The following ARHGAP19 variants were observed in gnomAD, a reference collection of about 807,000 sequenced individuals.
The protein encoded by ARHGAP19 is Rho GTPase activating protein 19.
ARHGAP19 carries 48 observed loss-of-function variants against 60.9 expected under a neutral mutation model. That is an observed-to-expected ratio of 0.79 (90% CI 0.62 to 1.00). The LOEUF is 1.00. Ranked by LOEUF, ARHGAP19 falls within the 50% of genes least tolerant of loss-of-function variation. ARHGAP19 has a pLI of 0.00. For synonymous variants in ARHGAP19, 209 were observed against 215.5 expected, an observed-to-expected ratio of 0.97 and a Z score of 0.27; for missense variants, 562 against 597.2, an observed-to-expected ratio of 0.94 and a Z score of 0.61.
intron 9 of ARHGAP19, among the ~76,000 whole-genome samples, chr10:97,231,995 T>C (rs964386573): frequency 2.0e-5 from 3 of 150,264 alleles, no homozygotes; most frequent in Admixed American, 6.6e-5. Context: ...TTTTTTTTTT[T>C]TTTAATAATA....
At chr10:97,249,322 G>A (rs9645560) in intron 6 of ARHGAP19, among the ~76,000 whole-genome samples, 6,089 of 152,264 alleles carry the variant, frequency 0.04, 200 homozygotes, top group Non-Finnish European at 0.061. Flanking sequence ...GTAACTGAAA[G>A]ATCTGGCAGT....
At chr10:97,260,025 C>T (rs936838481) in intron 4 of ARHGAP19, among the ~76,000 whole-genome samples, 3 of 151,060 alleles carry the variant, frequency 2.0e-5, no homozygotes, top group Admixed American at 2.0e-4. Flanking sequence ...TTAGTAGAGG[C>T]GGGGTTTCAC....
rs771035344 is a variant in ARHGAP19 at position 97,259,394 on chromosome 10, A to G, written c.840+8T>C. On this transcript the variant is annotated splice_region_variant and intron_variant, in intron 5 of 11. Transcript: ENST00000358531. ...CAAGCAATCTTTACTCTTCCCGTCA[A>G]CACTCACATTTTTTGGCCACAGGAC... is the stretch of plus-strand genomic sequence containing the variant. The G allele has an allele frequency of 1.2e-6, 2 of 1,606,434 alleles. No individual in the cohort carries two copies. The highest frequency in any genetic ancestry group is 2.2e-5 in the South Asian group (2 of 90,892).
chr10:97,275,083 C>G (rs1477674997), intron 1 of ARHGAP19: 4 of 152,454 alleles, frequency 2.6e-5, no homozygotes, highest in Non-Finnish European at 4.4e-5. Flanking sequence ...CCTATGAAGG[C>G]TGCAACAGCT....
chr10:97,246,435 G>T, intron 6 of ARHGAP19, 98 bp from the exon 7 acceptor site: 1 of 945,504 alleles, frequency 1.1e-6, no homozygotes, highest in South Asian at 1.5e-5. Context: ...CATTTGACCA[G>T]CAGATTACTT....
At chr10:97,239,551 G>T (rs79727395) in intron 8 of ARHGAP19, among the ~76,000 whole-genome samples, 242 of 20,270 alleles carry the variant, frequency 0.012, 2 homozygotes, top group South Asian at 0.03. Flanking sequence ...AGAGAGAGAG[G>T]GTGTGTGTGT....
At position 97,284,147 on chromosome 10, in the gene ARHGAP19, T is replaced by C. The variant is rs759023475; in HGVS notation, c.56+8425A>G. 2.6e-5 allele frequency among the ~76,000 whole-genome samples: 4 copies of C among 151,994 alleles called. No individual in the cohort carries two copies. In the East Asian group the frequency reaches 5.8e-4, roughly 22 times the overall value. On this transcript the variant is annotated intron_variant, in intron 1 of 11. Coordinates refer to ENST00000358531, the MANE Select transcript of ARHGAP19 (RefSeq NM_032900.6). ...TTTTTTGCTTTTTGTTTTTGAGACATTGTCTCACTCTGTTGCCCAAGCTGG... is the reference window on the plus strand; with the variant it reads ...TTTTTTGCTTTTTGTTTTTGAGACACTGTCTCACTCTGTTGCCCAAGCTGG...
In ARHGAP19 at chr10:97,274,639, G is replaced by A. The variant is rs184818854; in HGVS notation, c.57-8514C>T. 1.3e-3 allele frequency among the ~76,000 whole-genome samples: 197 copies of A among 152,086 alleles called. 1 individual carries two copies. The highest frequency in any genetic ancestry group is 4.6e-3 in the African/African-American group (190 of 41,478). ...TTATAAACTTGTATGTATAATTGAC[G>A]TTTCATGACAAATTTTTTTTAAAGA... On this transcript the variant is annotated intron_variant, in intron 1 of 11. Coordinates refer to ENST00000358531, the MANE Select transcript of ARHGAP19 (RefSeq NM_032900.6).
chr10:97,227,367 C>G (rs1466576317), intron 11 of ARHGAP19, among the ~76,000 whole-genome samples: 4 of 152,050 alleles, frequency 2.6e-5, no homozygotes, highest in African/African-American at 9.7e-5. Flanking sequence ...AAGTAGTTAT[C>G]ATACAGAGAG....
In ARHGAP19 at chr10:97,225,814, C is replaced by T. The variant is rs959793567; in HGVS notation, c.*308G>A. On this transcript the variant is annotated 3_prime_UTR_variant, in exon 12 of 12. Coordinates refer to ENST00000358531, the MANE Select transcript of ARHGAP19 (RefSeq NM_032900.6). ...TATTTTTTTTCAAAAGTGGAATCTG[C>T]CTAAACACATTGAGTGAGCACTGAA... The T allele has an allele frequency of 2.4e-5, 8 of 339,656 alleles. No homozygotes were observed. Among genetic ancestry groups the T allele is most frequent in the African/African-American group, 1.5e-4 (7 of 47,204 alleles). The allele number at this position is 339,656 out of a possible 1,614,324, so 21.0% of individuals were successfully genotyped here.
chr10:97,234,088 G>A (rs1851082801), intron 9 of ARHGAP19, among the ~76,000 whole-genome samples: 2 of 151,848 alleles, frequency 1.3e-5, no homozygotes, highest in South Asian at 4.2e-4. Flanking sequence ...CCGACATGGT[G>A]AAACCCCCTC....
chr10:97,236,412 G>A (rs1399253063), intron 8 of ARHGAP19, among the ~76,000 whole-genome samples: 2 of 152,022 alleles, frequency 1.3e-5, no homozygotes, highest in South Asian at 4.2e-4. Context: ...TAATTGTCTC[G>A]GCAGGCAGAA....
At chr10:97,236,766 ATT>A in intron 8 of ARHGAP19, among the ~76,000 whole-genome samples, 1 of 137,606 alleles carries the variant, frequency 7.3e-6, no homozygotes, top group Admixed American at 8.0e-5. Flanking sequence ...GTGAGCCATG[ATT>A]GTGCCACTGC....
intron 6 of ARHGAP19, 30 bp downstream of exon 6, chr10:97,256,288 G>A: frequency 1.3e-6 from 2 of 1,542,462 alleles, no homozygotes; most frequent in Non-Finnish European, 1.8e-6. Flanking sequence ...TCTTTGTCCT[G>A]TTACCAGCCA....
chr10:97,289,935 T>C lies in ARHGAP19; in HGVS notation c.56+2637A>G, dbSNP rs1378665477. On this transcript the variant is annotated intron_variant, in intron 1 of 11. Transcript: ENST00000358531. ...TCAAACTACTCTTGCTATGGAATAG[T>C]ATTTTATTTGTCCTCAGATTTTCAC... Among the ~76,000 whole-genome samples, 3 of 152,140 alleles carry C rather than the reference T, an allele frequency of 2.0e-5. No individual in the cohort carries two copies. The East Asian group carries it at 5.8e-4, about 29-fold the overall frequency.
At chr10:97,266,255 A>G in intron 1 of ARHGAP19, 130 bp from the exon 2 acceptor site, 1 of 1,026,768 alleles carries the variant, frequency 9.7e-7, no homozygotes, top group East Asian at 2.5e-5. Flanking sequence ...CCTTTAACTG[A>G]GCCAGATGCC....
intron 1 of ARHGAP19, among the ~76,000 whole-genome samples, chr10:97,281,073 C>T (rs1843078438): frequency 6.6e-6 from 1 of 152,198 alleles, no homozygotes; most frequent in Non-Finnish European, 1.5e-5. Flanking sequence ...TACACAAGTT[C>T]ACAAATTGAA....
At chr10:97,230,152 TATAGGTCAATTACAG>T (rs757538317) in intron 9 of ARHGAP19, among the ~76,000 whole-genome samples, 2 of 152,222 alleles carry the variant, frequency 1.3e-5, no homozygotes, top group Non-Finnish European at 2.9e-5. Flanking sequence ...AACAAGCTAA[TATAGGTCAATTACAG>T]TGTGCCTCTG....
At chr10:97,279,476 T>TTG (rs373557280) in intron 1 of ARHGAP19, among the ~76,000 whole-genome samples, 16 of 109,100 alleles carry the variant, frequency 1.5e-4, no homozygotes, top group Middle Eastern at 4.5e-3. Flanking sequence ...TTGCTTGCTT[T>TTG]TGTGTGTGTG....
Sources: gnomAD v4.1 joint callset for allele counts (sites outside exome capture counted in the v4.1 genomes callset) on GRCh38, gnomAD v4.1.1 for gene constraint, MANE v1.5 for transcripts, NCBI Gene and HGNC (gene_info 2026-07-23, HGNC 2026-07-21) for gene names.